CABP1: variants seen among roughly 807,000 people sequenced by gnomAD.
The protein encoded by CABP1 is calcium binding protein 1.
In CABP1, 17 loss-of-function variants were observed where a neutral mutation model predicts 34.3. That is an observed-to-expected ratio of 0.50 (90% CI 0.34 to 0.74). CABP1 has a LOEUF of 0.74. Among genes scored for constraint, CABP1 ranks in the 30% least tolerant of loss-of-function variants. The pLI is 0.01. For missense variants in CABP1, 373 were observed against 511.1 expected (o/e 0.73, Z 2.61); for synonymous variants, 198 against 229.2 (o/e 0.86, Z 1.23).
intron 1 of CABP1, among the ~76,000 whole-genome samples, chr12:120,656,520 G>A (rs1880236479): frequency 6.6e-6 from 1 of 152,212 alleles, no homozygotes; most frequent in Admixed American, 6.5e-5. Flanking sequence ...ACTGTGCCTA[G>A]TGTGTTGGCG....
chr12:120,675,690 C>T, the CABP1 span, among the ~76,000 whole-genome samples: 1 of 152,316 alleles, frequency 6.6e-6, no homozygotes, highest in African/African-American at 2.4e-5. Context: ...AGGCTCCCTC[C>T]CCCTCACTAG....
intron 5 of CABP1, among the ~76,000 whole-genome samples, chr12:120,663,205 C>T (rs1880762808): frequency 6.6e-6 from 1 of 152,166 alleles, no homozygotes; most frequent in African/African-American, 2.4e-5. Flanking sequence ...GAAAGAAGAA[C>T]CCTATTTTCT....
the CABP1 span, among the ~76,000 whole-genome samples, chr12:120,677,217 A>T: frequency 3.3e-5 from 5 of 150,244 alleles, no homozygotes; most frequent in Non-Finnish European, 3.0e-5. Flanking sequence ...CCTCCCAAGT[A>T]GCTGGGACCA....
intron 1 of CABP1, among the ~76,000 whole-genome samples, chr12:120,649,764 C>T (rs1310899731): frequency 6.6e-6 from 1 of 152,132 alleles, no homozygotes; most frequent in Non-Finnish European, 1.5e-5. Context: ...AGGATCTGAT[C>T]TGACTGTTGG....
chr12:120,654,992 G>A (rs967390826), intron 1 of CABP1, among the ~76,000 whole-genome samples: 11 of 152,192 alleles, frequency 7.2e-5, no homozygotes, highest in African/African-American at 2.4e-4. Flanking sequence ...GAGAACTGGT[G>A]GATGGCAGAG....
chr12:120,648,739 G>C (rs960378812), intron 1 of CABP1, among the ~76,000 whole-genome samples: 1 of 152,042 alleles, frequency 6.6e-6, no homozygotes, highest in African/African-American at 2.4e-5. Flanking sequence ...AAATTAGCCA[G>C]GCATGAAGTT....
In CABP1 at chr12:120,659,855, T is replaced by C. The variant is rs369919458; in HGVS notation, c.655-23T>C. The C allele has an allele frequency of 1.2e-5, 20 of 1,611,638 alleles. No homozygotes were observed. In the African/African-American group the frequency reaches 1.6e-4, roughly 13 times the overall value. On this transcript the variant is annotated intron_variant, in intron 1 of 5. Transcript: ENST00000316803. ...CTTCCAGGTCCCTTGTCGCGGCTAATAGGACATGTTCTTTTGTTTCAGGAT... is the reference window on the plus strand; with the variant it reads ...CTTCCAGGTCCCTTGTCGCGGCTAACAGGACATGTTCTTTTGTTTCAGGAT...
intron 1 of CABP1, chr12:120,655,937 C>G: frequency 2.0e-6 from 3 of 1,538,436 alleles, no homozygotes; most frequent in South Asian, 2.4e-5. Flanking sequence ...TCTGTTGGAC[C>G]AATTTGATGC....
intron 1 of CABP1, among the ~76,000 whole-genome samples, chr12:120,658,748 C>G (rs1020633709): frequency 2.0e-5 from 3 of 152,212 alleles, no homozygotes; most frequent in African/African-American, 7.2e-5. Flanking sequence ...GCCACACGCT[C>G]ACTGTGGCAT....
chr12:120,644,725 A>C lies in CABP1; in HGVS notation c.654+3386A>C, dbSNP rs144593389. On this transcript the variant is annotated intron_variant, in intron 1 of 5. Transcript: ENST00000316803. Reference sequence around the variant, plus strand: ...ATACTGCTTTGCACATAGCAGGATCACAGTATTTAATGAATGAATGAATGA... The same window carrying C: ...ATACTGCTTTGCACATAGCAGGATCCCAGTATTTAATGAATGAATGAATGA... Among the ~76,000 whole-genome samples, 178 of 152,324 alleles carry C rather than the reference A, an allele frequency of 1.2e-3. 2 individuals are homozygous for C. Among genetic ancestry groups the C allele is most frequent in the African/African-American group, 4.1e-3 (169 of 41,562 alleles).
At chr12:120,669,387 G>C (rs1881172058), downstream of CABP1, among the ~76,000 whole-genome samples, 2 of 152,228 alleles carry the variant, frequency 1.3e-5, no homozygotes, top group African/African-American at 2.4e-5. Flanking sequence ...GAGTTTCACT[G>C]TTTCAGAAAC....
chr12:120,664,345 G>A (rs751089245), intron 5 of CABP1, among the ~76,000 whole-genome samples: 1 of 152,168 alleles, frequency 6.6e-6, no homozygotes, highest in Non-Finnish European at 1.5e-5. Flanking sequence ...TCCTGGAGGA[G>A]GTTATAAATA....
intron 1 of CABP1, among the ~76,000 whole-genome samples, chr12:120,656,902 A>G (rs1880264421): frequency 6.6e-6 from 1 of 152,174 alleles, no homozygotes; most frequent in Non-Finnish European, 1.5e-5. Context: ...CTCAAAAAAG[A>G]AAGAAAGAAA....
chr12:120,668,943 T>C (rs1290658942), downstream of CABP1, among the ~76,000 whole-genome samples: 1 of 152,200 alleles, frequency 6.6e-6, no homozygotes, highest in Non-Finnish European at 1.5e-5. Flanking sequence ...TCTGATCCCA[T>C]GTCTGGGGCG....
At chr12:120,675,245 G>T in the CABP1 span, among the ~76,000 whole-genome samples, 1 of 152,056 alleles carries the variant, frequency 6.6e-6, no homozygotes, top group Non-Finnish European at 1.5e-5. Context: ...TAGAGATGAG[G>T]TTTTACCCTA....
Position 120,660,973 on chromosome 12 carries a change from AG to A in CABP1, c.940-92del. On this transcript the variant is annotated intron_variant, in intron 4 of 5. Coordinates refer to ENST00000316803, the MANE Select transcript of CABP1 (RefSeq NM_001033677.2). This position sits in a 1 kb window ranked among gnomAD's most constrained non-coding sequence, Gnocchi z 5.0. ...TTGGACAGAGAAAGGTCTCTGGTAA[AG>A]GGGGGCAATGACACTGGAGAAGGAG... The A allele has an allele frequency of 1.4e-6, 2 of 1,457,918 alleles. No individual in the cohort carries two copies. The highest frequency in any genetic ancestry group is 9.5e-7 in the Non-Finnish European group (1 of 1,057,552). The allele number at this position is 1,457,918 out of a possible 1,614,324, so 90.3% of individuals were successfully genotyped here. A position where few individuals can be genotyped will look rare whatever the true frequency, so the allele number is the denominator to read the frequency against.
At chr12:120,656,216 C>T in intron 1 of CABP1, 2 of 1,594,206 alleles carry the variant, frequency 1.3e-6, no homozygotes, top group Non-Finnish European at 1.7e-6. Context: ...CATGCACAAC[C>T]TGCTGGGCCC....
chr12:120,650,804 G>C, intron 1 of CABP1: 1 of 1,012,988 alleles, frequency 9.9e-7, no homozygotes, highest in Admixed American at 2.0e-5. Context: ...GTTCTGTCCA[G>C]GGCTGCCTCC....
chr12:120,645,046 C>G (rs1593154252), intron 1 of CABP1, among the ~76,000 whole-genome samples: 1 of 152,200 alleles, frequency 6.6e-6, no homozygotes, highest in South Asian at 2.1e-4. Context: ...CTCAAGTGAT[C>G]CATCCGCCTC....
Sources: allele counts gnomAD v4.1 joint callset (sites outside exome capture counted in the v4.1 genomes callset), GRCh38; gene constraint gnomAD v4.1.1; non-coding constraint Gnocchi (gnomAD v3.1); transcripts MANE v1.5; gene names NCBI Gene and HGNC (gene_info 2026-07-23, HGNC 2026-07-21).